Variants in GFOD1 observed in about 807,000 individuals in gnomAD.
GFOD1 encodes the protein Gfo/Idh/MocA-like oxidoreductase domain containing 1.
GFOD1 carries 9 observed loss-of-function variants against 25.4 expected under a neutral mutation model. That is an observed-to-expected ratio of 0.35 (90% CI 0.21 to 0.62). The LOEUF (loss-of-function observed/expected upper bound fraction) is 0.62, where lower values mean the gene tolerates loss of function less well. Ranked by LOEUF, GFOD1 falls within the 20% of genes least tolerant of loss-of-function variation. The probability of loss-of-function intolerance (pLI) is 0.72; values close to 1 mark genes in which losing one functional copy is unlikely to be tolerated. For synonymous variants in GFOD1, 253 were observed against 245.6 expected (o/e 1.03, Z -0.28); for missense variants, 403 against 556.9 (o/e 0.72, Z 2.78).
chr6:13,361,149 T>A lies in GFOD1; in HGVS notation c.*3594A>T, dbSNP rs1784940508. The A allele has an allele frequency of 3.1e-6, 1 of 317,936 alleles. No homozygotes were observed. Among genetic ancestry groups the A allele is most frequent in the Non-Finnish European group, 6.2e-6 (1 of 161,206 alleles). The allele number at this position is 317,936 out of a possible 1,614,324, so 19.7% of individuals were successfully genotyped here. A position where few individuals can be genotyped will look rare whatever the true frequency, so the allele number is the denominator to read the frequency against. ...GACTACCCTAGAGTCCAGATATAAC[T>A]GGCACAGTGGTATTTGCTGCCATGT... On this transcript the variant is annotated 3_prime_UTR_variant, in exon 2 of 2. Coordinates refer to ENST00000379287, the MANE Select transcript of GFOD1 (RefSeq NM_018988.4).
chr6:13,386,062 T>A (rs1032664708), intron 1 of GFOD1, among the ~76,000 whole-genome samples: 4 of 33,516 alleles, frequency 1.2e-4, no homozygotes, highest in African/African-American at 3.8e-4. Flanking sequence ...GGTAATTCCT[T>A]TTTTTTTTTT....
chr6:13,388,418 T>C (rs530127211), intron 1 of GFOD1, among the ~76,000 whole-genome samples: 2 of 152,256 alleles, frequency 1.3e-5, no homozygotes, highest in African/African-American at 4.8e-5. Flanking sequence ...AACAGATATA[T>C]AGACCAATGG....
At chr6:13,477,002 C>T (rs1034123135) in intron 1 of GFOD1, among the ~76,000 whole-genome samples, 7 of 152,080 alleles carry the variant, frequency 4.6e-5, no homozygotes, top group Non-Finnish European at 8.8e-5. Context: ...CCCAAAAGAA[C>T]GCTGGCTTTC....
intron 1 of GFOD1, among the ~76,000 whole-genome samples, chr6:13,372,632 C>A (rs573187948): frequency 2.8e-4 from 42 of 152,262 alleles, no homozygotes; most frequent in African/African-American, 1.0e-3. Flanking sequence ...GCTCTGTTGT[C>A]CCACAGAGCA....
At chr6:13,390,110 T>C (rs934536714) in intron 1 of GFOD1, among the ~76,000 whole-genome samples, 14 of 152,098 alleles carry the variant, frequency 9.2e-5, no homozygotes, top group Non-Finnish European at 5.9e-5. Flanking sequence ...CTTGTGTATC[T>C]CTCCTTCTCT....
chr6:13,396,222 A>G (rs6939211), intron 1 of GFOD1, among the ~76,000 whole-genome samples: 6,447 of 152,288 alleles, frequency 0.042, 348 homozygotes, highest in African/African-American at 0.13. Context: ...ACAGTACTAG[A>G]TGCTTTATCT....
intron 1 of GFOD1, among the ~76,000 whole-genome samples, chr6:13,448,579 C>A (rs57679689): frequency 1.3e-5 from 2 of 152,246 alleles, no homozygotes; most frequent in East Asian, 3.9e-4. Context: ...ATCTGGTGAA[C>A]AAATTTGAAT....
chr6:13,469,016 C>A (rs1194715047), intron 1 of GFOD1, among the ~76,000 whole-genome samples: 5 of 152,232 alleles, frequency 3.3e-5, no homozygotes, highest in Non-Finnish European at 7.3e-5. Context: ...TGGAATTCAA[C>A]AGACCTTGCT....
At chr6:13,470,511 A>G (rs1488749429) in intron 1 of GFOD1, 1 of 1,549,832 alleles carries the variant, frequency 6.5e-7, no homozygotes, top group Non-Finnish European at 8.7e-7. Context: ...TGGGGGGTAA[A>G]CAAATGTCCC....
chr6:13,436,242 A>C (rs938725213), intron 1 of GFOD1, among the ~76,000 whole-genome samples: 3 of 151,960 alleles, frequency 2.0e-5, no homozygotes, highest in Non-Finnish European at 4.4e-5. Flanking sequence ...ACATAAATAA[A>C]CTTTAATTTA....
At chr6:13,425,152 GT>G (rs1182762810) in intron 1 of GFOD1, among the ~76,000 whole-genome samples, 1 of 151,604 alleles carries the variant, frequency 6.6e-6, no homozygotes, top group African/African-American at 2.4e-5. Flanking sequence ...TAGAGATGGG[GT>G]CTCTCTCTGT....
chr6:13,437,595 C>A (rs1757853556), intron 1 of GFOD1, among the ~76,000 whole-genome samples: 1 of 152,206 alleles, frequency 6.6e-6, no homozygotes, highest in African/African-American at 2.4e-5. Context: ...GAACAGCTAT[C>A]ATTGTTTTTA....
At chr6:13,466,931 T>G (rs1375173746) in intron 1 of GFOD1, among the ~76,000 whole-genome samples, 1 of 150,704 alleles carries the variant, frequency 6.6e-6, no homozygotes, top group Non-Finnish European at 1.5e-5. Flanking sequence ...GGCACACACA[T>G]ACACATATGC....
At chr6:13,432,739 T>C (rs1054108788) in intron 1 of GFOD1, among the ~76,000 whole-genome samples, 2 of 152,170 alleles carry the variant, frequency 1.3e-5, no homozygotes, top group African/African-American at 2.4e-5. Context: ...CATCCTGCCA[T>C]ATCACTATGG....
intron 1 of GFOD1, among the ~76,000 whole-genome samples, chr6:13,448,579 C>G (rs57679689): frequency 6.6e-6 from 1 of 152,128 alleles, no homozygotes; most frequent in South Asian, 2.1e-4. Context: ...ATCTGGTGAA[C>G]AAATTTGAAT....
chr6:13,412,323 AG>A (rs1786090627), intron 1 of GFOD1, among the ~76,000 whole-genome samples: 1 of 152,198 alleles, frequency 6.6e-6, no homozygotes, highest in Non-Finnish European at 1.5e-5. Flanking sequence ...GACACAACAG[AG>A]GGAAGACCCT....
At chr6:13,370,589 G>T (rs921345295) in intron 1 of GFOD1, among the ~76,000 whole-genome samples, 2 of 152,046 alleles carry the variant, frequency 1.3e-5, no homozygotes, top group Non-Finnish European at 2.9e-5. Flanking sequence ...AAGATCCTCA[G>T]GTTTTTTCTT....
intron 1 of GFOD1, among the ~76,000 whole-genome samples, chr6:13,367,490 TGGGG>T (rs2127555052): frequency 1.3e-5 from 2 of 151,834 alleles, no homozygotes; most frequent in Admixed American, 1.3e-4. Flanking sequence ...TGCTTCAGGG[TGGGG>T]TATGTTGCTT....
intron 1 of GFOD1, among the ~76,000 whole-genome samples, chr6:13,419,501 T>C (rs1786217971): frequency 6.6e-6 from 1 of 152,176 alleles, no homozygotes; most frequent in Non-Finnish European, 1.5e-5. Flanking sequence ...TCCCTGCCGA[T>C]GGCTAAACCA....
Sources: gnomAD v4.1 joint callset for allele counts (sites outside exome capture counted in the v4.1 genomes callset) on GRCh38, gnomAD v4.1.1 for gene constraint, MANE v1.5 for transcripts, NCBI Gene and HGNC (gene_info 2026-07-23, HGNC 2026-07-21) for gene names.